The following HPSE2 variants were observed in gnomAD, a reference collection of about 807,000 sequenced individuals.
The protein encoded by HPSE2 is heparanase 2 (inactive).
A neutral mutation model predicts 60.5 loss-of-function variants in HPSE2; 38 were observed. That is an observed-to-expected ratio of 0.63 (90% CI 0.48 to 0.82). The LOEUF (loss-of-function observed/expected upper bound fraction) is 0.82, where lower values mean the gene tolerates loss of function less well. Ranked by LOEUF, HPSE2 falls within the 40% of genes least tolerant of loss-of-function variation. HPSE2 has a pLI of 0.00. For missense variants in HPSE2, 713 were observed against 740.4 expected, an observed-to-expected ratio of 0.96 and a Z score of 0.43; for synonymous variants, 295 against 293.2, an observed-to-expected ratio of 1.01 and a Z score of -0.06.
At chr10:98,855,890 G>A (rs898544003) in intron 3 of HPSE2, among the ~76,000 whole-genome samples, 5 of 151,878 alleles carry the variant, frequency 3.3e-5, no homozygotes, top group Admixed American at 6.6e-5. Context: ...CTGAAGCTGA[G>A]GATGTTACAG....
At chr10:98,906,881 T>G (rs549444474) in intron 3 of HPSE2, among the ~76,000 whole-genome samples, 5 of 149,798 alleles carry the variant, frequency 3.3e-5, no homozygotes, top group African/African-American at 1.2e-4. Context: ...TCCAGCCTGG[T>G]GACAGACTGA....
intron 3 of HPSE2, among the ~76,000 whole-genome samples, chr10:98,917,351 CTAATTTA>C (rs1202782740): frequency 6.6e-6 from 1 of 152,102 alleles, no homozygotes; most frequent in Non-Finnish European, 1.5e-5. Flanking sequence ...ATGCCATCAT[CTAATTTA>C]TAAGTTGGCA....
chr10:99,177,537 A>G (rs938945059), intron 2 of HPSE2, among the ~76,000 whole-genome samples: 3 of 152,206 alleles, frequency 2.0e-5, no homozygotes, highest in Admixed American at 6.5e-5. Flanking sequence ...GGCATTATAT[A>G]ATGGTAAAGG....
chr10:98,850,552 C>T (rs1169020898), intron 3 of HPSE2, among the ~76,000 whole-genome samples: 3 of 151,906 alleles, frequency 2.0e-5, no homozygotes, highest in East Asian at 1.9e-4. Context: ...CTGGCTAACA[C>T]GGTGAAACCC....
chr10:98,906,244 A>G (rs943588651), intron 3 of HPSE2, among the ~76,000 whole-genome samples: 5 of 152,106 alleles, frequency 3.3e-5, no homozygotes, highest in Non-Finnish European at 2.9e-5. Context: ...TTTCCCCCCA[A>G]AATTCCCTTC....
intron 3 of HPSE2, among the ~76,000 whole-genome samples, chr10:98,751,603 G>C (rs975107867): frequency 6.6e-6 from 1 of 152,158 alleles, no homozygotes; most frequent in Non-Finnish European, 1.5e-5. Context: ...GGAAAAATGG[G>C]TGCCTATAGA....
rs76922850 is a variant in HPSE2 at position 98,750,574 on chromosome 10, C to T, written c.611-6518G>A. On this transcript the variant is annotated intron_variant, in intron 3 of 11. Transcript: ENST00000370552. Reference sequence around the variant, plus strand: ...TTGGACCAGGGTGGTAGCAGCAGAGCGGTAGAAGTGGTTGGTTTCTGGGGA... The same window carrying T: ...TTGGACCAGGGTGGTAGCAGCAGAGTGGTAGAAGTGGTTGGTTTCTGGGGA... Among the ~76,000 whole-genome samples, 803 of 152,068 alleles carry T rather than the reference C, an allele frequency of 5.3e-3. 5 individuals are homozygous for T. Among genetic ancestry groups the T allele is most frequent in the Non-Finnish European group, 7.4e-3 (501 of 67,982 alleles).
chr10:98,892,346 G>T (rs1401793507), intron 3 of HPSE2, among the ~76,000 whole-genome samples: 2 of 152,108 alleles, frequency 1.3e-5, no homozygotes, highest in Admixed American at 1.3e-4. Flanking sequence ...GCCCTATCAT[G>T]ATCCCAGAGA....
chr10:99,004,494 A>G (rs1416354605), intron 3 of HPSE2, among the ~76,000 whole-genome samples: 1 of 152,066 alleles, frequency 6.6e-6, no homozygotes, highest in Non-Finnish European at 1.5e-5. Flanking sequence ...AGGCTCTGTT[A>G]ACCCAAAGAT....
intron 5 of HPSE2, among the ~76,000 whole-genome samples, chr10:98,696,460 G>C (rs1360083201): frequency 6.6e-6 from 1 of 152,098 alleles, no homozygotes; most frequent in Non-Finnish European, 1.5e-5. Flanking sequence ...ACACAGGGCA[G>C]GGAAGCCCCG....
intron 3 of HPSE2, among the ~76,000 whole-genome samples, chr10:98,890,878 C>T (rs780813924): frequency 2.6e-5 from 4 of 152,114 alleles, no homozygotes; most frequent in East Asian, 1.9e-4. Flanking sequence ...ATCACTCCAT[C>T]AAAGTATTTA....
intron 9 of HPSE2, among the ~76,000 whole-genome samples, chr10:98,519,744 G>A (rs1442924096): frequency 1.3e-5 from 2 of 152,180 alleles, no homozygotes; most frequent in African/African-American, 4.8e-5. Context: ...GCCAACAGCT[G>A]GGTCAACCAG....
chr10:98,590,418 G>T (rs1475449900), intron 9 of HPSE2, among the ~76,000 whole-genome samples: 1 of 152,216 alleles, frequency 6.6e-6, no homozygotes, highest in Non-Finnish European at 1.5e-5. Context: ...ACTCCAGCCT[G>T]GGTGGGAATC....
intron 8 of HPSE2, among the ~76,000 whole-genome samples, chr10:98,616,609 T>C (rs1046431174): frequency 1.3e-5 from 2 of 152,218 alleles, no homozygotes; most frequent in Non-Finnish European, 2.9e-5. Flanking sequence ...ACATTTACAA[T>C]TATATTTTAT....
intron 9 of HPSE2, among the ~76,000 whole-genome samples, chr10:98,528,433 CA>C (rs1392459793): frequency 6.6e-6 from 1 of 152,086 alleles, no homozygotes; most frequent in Non-Finnish European, 1.5e-5. Flanking sequence ...TTTTAGAGGG[CA>C]TTTCCGGAGG....
chr10:99,101,055 C>T (rs971683345), intron 3 of HPSE2, among the ~76,000 whole-genome samples: 15 of 152,114 alleles, frequency 9.9e-5, no homozygotes, highest in Non-Finnish European at 1.9e-4. Context: ...TAAAGACCAT[C>T]GAGGCTAGGA....
chr10:98,781,284 CTTCTTT>C (rs1237029312), intron 3 of HPSE2, among the ~76,000 whole-genome samples: 2 of 87,154 alleles, frequency 2.3e-5, no homozygotes, highest in South Asian at 4.3e-4. Context: ...CATATATCCA[CTTCTTT>C]TTTTTTTTTT....
At chr10:98,729,496 C>T (rs962432163) in intron 4 of HPSE2, among the ~76,000 whole-genome samples, 24 of 152,048 alleles carry the variant, frequency 1.6e-4, no homozygotes, top group African/African-American at 5.8e-4. Context: ...GTAATCCCAG[C>T]TACTTGGGAG....
chr10:99,236,733 G>T (rs1425998870), upstream of HPSE2, among the ~76,000 whole-genome samples: 1 of 152,174 alleles, frequency 6.6e-6, no homozygotes, highest in East Asian at 1.9e-4. Flanking sequence ...TGCTCTTCCC[G>T]CAACCGAGGA....
Sources: allele counts gnomAD v4.1 joint callset (sites outside exome capture counted in the v4.1 genomes callset), GRCh38; gene constraint gnomAD v4.1.1; transcripts MANE v1.5; gene names NCBI Gene and HGNC (gene_info 2026-07-23, HGNC 2026-07-21).